Variants in AGBL1 observed in about 807,000 individuals in gnomAD.
The protein encoded by AGBL1 is AGBL carboxypeptidase 1.
Under a neutral mutation model 118.9 loss-of-function variants are expected in AGBL1, and 130 were observed. That is an observed-to-expected ratio of 1.09 (90% CI 0.95 to 1.26). The LOEUF (loss-of-function observed/expected upper bound fraction) is 1.26, where lower values mean the gene tolerates loss of function less well. AGBL1 is among the 50% of genes most tolerant of loss of function. The pLI is 0.00. For synonymous variants in AGBL1, 555 were observed against 478.9 expected (o/e 1.16, Z -2.08); for missense variants, 1,584 against 1,298.1 (o/e 1.22, Z -3.38).
At chr15:86,811,494 A>G (rs1440061346) in intron 22 of AGBL1, among the ~76,000 whole-genome samples, 1 of 152,136 alleles carries the variant, frequency 6.6e-6, no homozygotes, top group Admixed American at 6.6e-5. Flanking sequence ...TCTAAGATGG[A>G]CAAATATATT....
At chr15:86,980,418 T>G (rs527905888) in intron 23 of AGBL1, among the ~76,000 whole-genome samples, 1 of 152,296 alleles carries the variant, frequency 6.6e-6, no homozygotes, top group South Asian at 2.1e-4. Context: ...CAGAGTCAGA[T>G]TCATACTGCA....
chr15:86,915,722 C>T lies in AGBL1; in HGVS notation c.*8428C>T, dbSNP rs1029812983. ...TTGTTCACTGCTACATCCTGAGAGCCTAGCATCGTGCCCAAGATGTGGTGG... is the reference window on the plus strand; with the variant it reads ...TTGTTCACTGCTACATCCTGAGAGCTTAGCATCGTGCCCAAGATGTGGTGG... On this transcript the variant is annotated 3_prime_UTR_variant, in exon 23 of 23. Coordinates refer to ENST00000614907, the MANE Select transcript of AGBL1 (RefSeq NM_001386094.1). The T allele has an allele frequency of 2.0e-5, 3 of 152,188 alleles. No homozygotes were observed. Among genetic ancestry groups the T allele is most frequent in the Admixed American group, 2.0e-4 (3 of 15,274 alleles). 9.4% of individuals were successfully genotyped at this position (152,188 alleles called of 1,614,324 possible). A position where few individuals can be genotyped will look rare whatever the true frequency, so the allele number is the denominator to read the frequency against.
At chr15:86,100,653 G>A (rs1211416367) in intron 1 of AGBL1, among the ~76,000 whole-genome samples, 2 of 151,992 alleles carry the variant, frequency 1.3e-5, no homozygotes, top group African/African-American at 4.8e-5. Flanking sequence ...TTGCTGCATA[G>A]TTCTTCATAA....
chr15:86,142,418 C>G (rs1267716948), intron 2 of AGBL1, among the ~76,000 whole-genome samples: 2 of 152,172 alleles, frequency 1.3e-5, no homozygotes, highest in Non-Finnish European at 2.9e-5. Flanking sequence ...GCAGGAATAT[C>G]AGGCAGAAGC....
At chr15:86,540,718 A>C in intron 19 of AGBL1, among the ~76,000 whole-genome samples, 1 of 152,230 alleles carries the variant, frequency 6.6e-6, no homozygotes, top group East Asian at 1.9e-4. Flanking sequence ...AGCTTCCTTA[A>C]CTTAAATAAT....
At chr15:86,205,819 G>A (rs1461172394) in intron 5 of AGBL1, among the ~76,000 whole-genome samples, 1 of 152,106 alleles carries the variant, frequency 6.6e-6, no homozygotes, top group Non-Finnish European at 1.5e-5. Context: ...TTGCTGTTGA[G>A]TTTTTAATTT....
At chr15:86,700,332 T>A (rs999998771) in intron 22 of AGBL1, among the ~76,000 whole-genome samples, 70 of 152,140 alleles carry the variant, frequency 4.6e-4, no homozygotes, top group Non-Finnish European at 7.4e-5. Context: ...CAGCAGTATG[T>A]TCTAGGTTCA....
At chr15:86,402,888 A>AAAAC (rs112345064) in intron 18 of AGBL1, among the ~76,000 whole-genome samples, 3,671 of 152,210 alleles carry the variant, frequency 0.024, 63 homozygotes, top group Middle Eastern at 0.065. Context: ...GTTAAGTTCA[A>AAAAC]AAACAAACAA....
At chr15:86,270,179 G>A in intron 14 of AGBL1, 112 bp downstream of exon 14, 1 of 1,410,522 alleles carries the variant, frequency 7.1e-7, no homozygotes, top group Non-Finnish European at 9.4e-7. Context: ...AAGTTGGGCA[G>A]AGTTTTGGGT....
chr15:86,329,112 TTG>T (rs2080231734), intron 17 of AGBL1, among the ~76,000 whole-genome samples: 1 of 152,124 alleles, frequency 6.6e-6, no homozygotes, highest in Non-Finnish European at 1.5e-5. Context: ...GTGACGAGAC[TTG>T]CAGCCAGGGC....
intron 23 of AGBL1, among the ~76,000 whole-genome samples, chr15:86,943,556 A>T (rs2080780309): frequency 6.6e-6 from 1 of 152,128 alleles, no homozygotes; most frequent in Non-Finnish European, 1.5e-5. Flanking sequence ...CGCCATTCAC[A>T]CAGTGTGTGA....
chr15:86,545,727 C>T (rs765340726), intron 19 of AGBL1, among the ~76,000 whole-genome samples: 10 of 152,142 alleles, frequency 6.6e-5, no homozygotes, highest in Non-Finnish European at 1.2e-4. Context: ...ATCAAAAGAG[C>T]TATACATGAC....
At chr15:86,803,411 G>A in intron 22 of AGBL1, among the ~76,000 whole-genome samples, 1 of 152,134 alleles carries the variant, frequency 6.6e-6, no homozygotes, top group East Asian at 1.9e-4. Context: ...ATGTGGAAGT[G>A]TGAGTCAATT....
intron 22 of AGBL1, among the ~76,000 whole-genome samples, chr15:86,817,463 T>TACACAC (rs143498374): frequency 0.088 from 11,692 of 133,238 alleles, 653 homozygotes; most frequent in Middle Eastern, 0.17. Context: ...CTCTGAGAGA[T>TACACAC]ACACACACAC....
rs1467236604 is a variant in AGBL1 at position 86,353,834 on chromosome 15, GATGAGAGTCGT to G, written c.2375-43525_2375-43515del. Among the ~76,000 whole-genome samples, 3 of 152,274 alleles carry G rather than the reference GATGAGAGTCGT, an allele frequency of 2.0e-5. No homozygotes were observed. In the East Asian group the frequency reaches 5.8e-4, roughly 29 times the overall value. The stretch of plus-strand genomic sequence containing the variant: ...CAGACATCTCAAAAAACACCCGAGA[GATGAGAGTCGT>G]ATGAGAACCCAATCATTTAGTTATG... On this transcript the variant is annotated intron_variant, in intron 17 of 22. Coordinates refer to ENST00000614907, the MANE Select transcript of AGBL1 (RefSeq NM_001386094.1).
At chr15:86,419,915 T>G (rs935319421) in intron 18 of AGBL1, among the ~76,000 whole-genome samples, 3 of 152,150 alleles carry the variant, frequency 2.0e-5, no homozygotes, top group African/African-American at 7.2e-5. Flanking sequence ...CCTCTCTAGA[T>G]TCCTCCTCTC....
intron 5 of AGBL1, among the ~76,000 whole-genome samples, chr15:86,215,692 T>G (rs2078176928): frequency 6.6e-6 from 1 of 152,200 alleles, no homozygotes; most frequent in African/African-American, 2.4e-5. Context: ...GCGATTGTTA[T>G]GAGAAGTAAC....
At position 86,526,961 on chromosome 15, in the gene AGBL1, C is replaced by T. The variant is rs571984857; in HGVS notation, c.2685+4022C>T. 4.7e-5 allele frequency among the ~76,000 whole-genome samples: 7 copies of T among 149,204 alleles called. No individual in the cohort carries two copies. The South Asian group carries it at 6.5e-4, about 14-fold the overall frequency. On this transcript the variant is annotated intron_variant, in intron 19 of 22. Coordinates refer to ENST00000614907, the MANE Select transcript of AGBL1 (RefSeq NM_001386094.1). ...GGACTTTACCACTATAGAATTCATC[C>T]ACATAACCAAAAACTACTAAAGCTA... is the stretch of plus-strand genomic sequence containing the variant.
intron 22 of AGBL1, among the ~76,000 whole-genome samples, chr15:86,732,880 G>A (rs914400986): frequency 1.3e-5 from 2 of 150,794 alleles, no homozygotes; most frequent in Non-Finnish European, 3.0e-5. Context: ...TATATAGATA[G>A]ATATATAGCT....
Sources: allele counts gnomAD v4.1 joint callset (sites outside exome capture counted in the v4.1 genomes callset), GRCh38; gene constraint gnomAD v4.1.1; transcripts MANE v1.5; gene names NCBI Gene and HGNC (gene_info 2026-07-23, HGNC 2026-07-21).